The following IPO5 variants were observed in gnomAD, a reference collection of about 807,000 sequenced individuals.
IPO5 encodes the protein importin 5, also known as importin-5.
In IPO5, 18 loss-of-function variants were observed where a neutral mutation model predicts 143.3. The observed-to-expected ratio is 0.13, with a 90% CI of 0.09 to 0.19. The LOEUF (loss-of-function observed/expected upper bound fraction) is 0.19, where lower values mean the gene tolerates loss of function less well. IPO5 is among the 10% of genes least tolerant of loss of function. IPO5 has a pLI of 1.00. For missense variants in IPO5, 1,013 were observed against 1,336.9 expected (o/e 0.76, Z 3.78); for synonymous variants, 477 against 465.7 (o/e 1.02, Z -0.31).
At chr13:97,955,871 C>A (rs1366609117) in intron 2 of IPO5, among the ~76,000 whole-genome samples, 2 of 152,190 alleles carry the variant, frequency 1.3e-5, no homozygotes, top group Non-Finnish European at 2.9e-5. Flanking sequence ...GTGGCTCATG[C>A]CTGTAATCCC....
At chr13:97,999,736 A>G (rs1888603041) in intron 12 of IPO5, among the ~76,000 whole-genome samples, 1 of 152,256 alleles carries the variant, frequency 6.6e-6, no homozygotes, top group African/African-American at 2.4e-5. Flanking sequence ...TGAGTTTCAC[A>G]TAGCTATGCA....
At chr13:97,956,491 G>T (rs1331565136) in intron 2 of IPO5, among the ~76,000 whole-genome samples, 1 of 152,088 alleles carries the variant, frequency 6.6e-6, no homozygotes, top group Non-Finnish European at 1.5e-5. Flanking sequence ...TACATTGTTG[G>T]ATCTCACCCT....
chr13:97,982,169 A>G (rs1323240845), intron 4 of IPO5: 2 of 223,914 alleles, frequency 8.9e-6, no homozygotes, highest in Non-Finnish European at 8.6e-6. Context: ...GTGAGCCCTA[A>G]AGTTTGCAGC....
Position 97,985,483 on chromosome 13 carries a change from T to C in IPO5, c.234T>C (p.Tyr78=). Residue 78 remains tyrosine (Y), a synonymous_variant, in exon 6 of 29, where the codon TAT becomes TAC. Transcript: ENST00000651721. ...TGTCCTCTGCATTTGATGAAGTCTATCCAGCACTTCCCTCTGATGTTCAGA... is the reference window on the plus strand; with the variant it reads ...TGTCCTCTGCATTTGATGAAGTCTACCCAGCACTTCCCTCTGATGTTCAGA... The part of the protein sequence containing the change: ...RLLSSAFDEV[Y]PALPSDVQTA... 7 of 1,614,068 alleles carry C rather than the reference T, an allele frequency of 4.3e-6. No individual in the cohort carries two copies. Among genetic ancestry groups the C allele is most frequent in the Non-Finnish European group, 5.9e-6 (7 of 1,179,944 alleles).
intron 17 of IPO5, among the ~76,000 whole-genome samples, chr13:98,006,576 G>A (rs1283276268): frequency 6.6e-6 from 1 of 151,456 alleles, no homozygotes; most frequent in East Asian, 2.0e-4. Flanking sequence ...AGGTTTCACT[G>A]TGTTAGCCAG....
rs531048733 is a variant in IPO5, at chr13:97,990,488, A to G, written c.620A>G (p.Asn207Ser). The part of the protein sequence containing the change: ...TAAFILANEH[N>S]VALFKHFADL... ...GCATTTATACTTGCAAATGAGCATAATGTTGCTCTGTTCAAACATTTTGCA... is the reference window on the plus strand; with the variant it reads ...GCATTTATACTTGCAAATGAGCATAGTGTTGCTCTGTTCAAACATTTTGCA... Residue 207 changes from asparagine (N) to serine (S), a missense_variant, in exon 9 of 29, where the codon AAT becomes AGT. Around this residue, in one of 2 missense-constraint regions of IPO5, gnomAD observed 328 missense variants for 342.0 expected, o/e 0.96. Transcript: ENST00000651721. 5 of 1,607,704 alleles carry G rather than the reference A, an allele frequency of 3.1e-6. No homozygotes were observed. In the Admixed American group the frequency reaches 8.6e-5, roughly 28 times the overall value.
Position 98,021,861 on chromosome 13 carries a change from T to TA in IPO5, c.*42dup. On this transcript the variant is annotated 3_prime_UTR_variant, in exon 29 of 29. Coordinates refer to ENST00000651721, the MANE Select transcript of IPO5 (RefSeq NM_002271.6). ...CACCCACCAGAAAACTAACTCCAAA[T>TA]AAACGCTTACCCTTTCCTTTAGGTT... 2.2e-6 allele frequency: 3 copies of TA among 1,384,578 alleles called. No homozygotes were observed. The highest frequency in any genetic ancestry group is 2.0e-6 in the Non-Finnish European group (2 of 979,404). 85.8% of individuals were successfully genotyped at this position (1,384,578 alleles called of 1,614,324 possible). A position where few individuals can be genotyped will look rare whatever the true frequency, so the allele number is the denominator to read the frequency against.
chr13:98,003,279 G>A (rs1888951000), intron 16 of IPO5, among the ~76,000 whole-genome samples: 1 of 152,282 alleles, frequency 6.6e-6, no homozygotes, highest in East Asian at 1.9e-4. Context: ...AGTGTATATG[G>A]ATCACCCTGA....
At chr13:98,018,977 T>C (rs1191990779) in intron 26 of IPO5, among the ~76,000 whole-genome samples, 1 of 152,062 alleles carries the variant, frequency 6.6e-6, no homozygotes, top group African/African-American at 2.4e-5. Context: ...AGGACTTTTT[T>C]TTTTTTCTTT....
chr13:98,009,406 A>G (rs771513271), intron 18 of IPO5, among the ~76,000 whole-genome samples: 25 of 152,264 alleles, frequency 1.6e-4, no homozygotes, highest in African/African-American at 2.2e-4. Context: ...TGAGAAAATT[A>G]TAACAGCTAA....
chr13:98,004,445 T>C (rs1335330525), intron 16 of IPO5, among the ~76,000 whole-genome samples: 1 of 152,188 alleles, frequency 6.6e-6, no homozygotes. Context: ...GCAGATTGGT[T>C]GGTTGGTTAA....
intron 2 of IPO5, among the ~76,000 whole-genome samples, chr13:97,955,621 C>T (rs1003961602): frequency 6.6e-6 from 1 of 152,178 alleles, no homozygotes; most frequent in African/African-American, 2.4e-5. Flanking sequence ...ACATAACCGA[C>T]TTGATGGTCC....
intron 25 of IPO5, 120 bp from the exon 26 acceptor site, chr13:98,018,365 T>G: frequency 2.8e-6 from 2 of 712,754 alleles, no homozygotes; most frequent in South Asian, 3.8e-5. Flanking sequence ...TTACTATGTT[T>G]TCTTTTTTCT....
chr13:97,978,871 C>T (rs1646318839), intron 4 of IPO5, among the ~76,000 whole-genome samples: 1 of 152,182 alleles, frequency 6.6e-6, no homozygotes, highest in Non-Finnish European at 1.5e-5. Context: ...TAGTTATCAG[C>T]ATTCAGCACA....
At position 97,985,546 on chromosome 13, in the gene IPO5, G is replaced by A. The variant is rs1403268562; in HGVS notation, c.297G>A (p.Met99Ile). The A allele has an allele frequency of 6.2e-7, 1 of 1,613,856 alleles. No homozygotes were observed. Among genetic ancestry groups the A allele is most frequent in the African/African-American group, 1.3e-5 (1 of 74,878 alleles). Reference sequence around the variant, plus strand: ...GTGAGCTACTCATGATTATTCAGATGGAAACACAATCTAGCATGAGGAAAA... The same window carrying A: ...GTGAGCTACTCATGATTATTCAGATAGAAACACAATCTAGCATGAGGAAAA... ...IKSELLMIIQMETQSSMRKKV... is the reference protein window; with the variant it reads ...IKSELLMIIQIETQSSMRKKV... The change falls in exon 6 of 29, where the codon ATG becomes ATA. Residue 99 changes from methionine (M) to isoleucine (I), a missense_variant. Transcript: ENST00000651721.
intron 16 of IPO5, among the ~76,000 whole-genome samples, chr13:98,005,471 G>A (rs752914566): frequency 6.6e-6 from 1 of 151,622 alleles, no homozygotes; most frequent in African/African-American, 2.4e-5. Flanking sequence ...CAGGTGATCC[G>A]CCTGCCTCAG....
chr13:98,019,205 GCCT>G (rs772040246), intron 26 of IPO5, among the ~76,000 whole-genome samples: 18 of 152,132 alleles, frequency 1.2e-4, no homozygotes, highest in Non-Finnish European at 2.5e-4. Context: ...GCCCACCTCA[GCCT>G]CCCAAAGTGC....
At chr13:97,994,919 A>C (rs1888117621) in intron 11 of IPO5, among the ~76,000 whole-genome samples, 1 of 152,044 alleles carries the variant, frequency 6.6e-6, no homozygotes, top group Non-Finnish European at 1.5e-5. Flanking sequence ...TGAGCTGCTG[A>C]GTTTGAGACC....
In IPO5 at chr13:98,021,166, G is replaced by A. The variant is rs745611101; in HGVS notation, c.3207+33G>A. The A allele has an allele frequency of 9.0e-6, 14 of 1,562,490 alleles. No homozygotes were observed. The Admixed American group carries it at 3.0e-4, about 33-fold the overall frequency. ...GATTTGGTTGAATTGGGGAGGGGGAGATAAAACCTTTTTTTCTTTGTAGTC... is the reference window on the plus strand; with the variant it reads ...GATTTGGTTGAATTGGGGAGGGGGAAATAAAACCTTTTTTTCTTTGTAGTC... On this transcript the variant is annotated intron_variant, in intron 28 of 28. Coordinates refer to ENST00000651721, the MANE Select transcript of IPO5 (RefSeq NM_002271.6).
Sources: allele counts gnomAD v4.1 joint callset (sites outside exome capture counted in the v4.1 genomes callset), GRCh38; gene constraint gnomAD v4.1.1; regional missense constraint gnomAD v4.1.1; transcripts MANE v1.5; gene names NCBI Gene and HGNC (gene_info 2026-07-23, HGNC 2026-07-21).